ADGRL3: variants seen among roughly 807,000 people sequenced by gnomAD.
ADGRL3 encodes adhesion G protein-coupled receptor L3, also known as calcium-independent alpha-latrotoxin receptor 3.
A neutral mutation model predicts 153.5 loss-of-function variants in ADGRL3; 62 were observed. That is an observed-to-expected ratio of 0.40 (90% confidence interval 0.33 to 0.50). The LOEUF is 0.50. Ranked by LOEUF, ADGRL3 falls within the 20% of genes least tolerant of loss-of-function variation. The pLI is 0.47. For synonymous variants in ADGRL3, 710 were observed against 672.5 expected (o/e 1.06, Z -0.86); for missense variants, 1,641 against 1,859.4 (o/e 0.88, Z 2.16).
At chr4:61,797,131 G>A (rs1052995256) in intron 8 of ADGRL3, among the ~76,000 whole-genome samples, 1 of 152,092 alleles carries the variant, frequency 6.6e-6, no homozygotes, top group Non-Finnish European at 1.5e-5. Flanking sequence ...GCCAAATCAA[G>A]TGAAATTAGA....
chr4:62,019,492 T>C (rs867328589), intron 21 of ADGRL3, among the ~76,000 whole-genome samples: 1 of 152,214 alleles, frequency 6.6e-6, no homozygotes, highest in South Asian at 2.1e-4. Flanking sequence ...TGTAGCTTTT[T>C]ATGTATTTAT....
chr4:61,206,898 G>T (rs541008790), intron 1 of ADGRL3, among the ~76,000 whole-genome samples: 3 of 151,834 alleles, frequency 2.0e-5, no homozygotes, highest in Admixed American at 2.0e-4. Context: ...CAGGAGAATC[G>T]CTGGAACCCA....
chr4:61,853,103 C>T (rs2098226372), intron 9 of ADGRL3, among the ~76,000 whole-genome samples: 1 of 151,714 alleles, frequency 6.6e-6, no homozygotes, highest in Admixed American at 6.6e-5. Context: ...CTGCAACCAC[C>T]CGCTCCTCTC....
At chr4:61,275,647 C>T (rs998857187) in intron 1 of ADGRL3, among the ~76,000 whole-genome samples, 3 of 152,132 alleles carry the variant, frequency 2.0e-5, no homozygotes, top group African/African-American at 7.2e-5. Flanking sequence ...ATGCATGTTT[C>T]AGTTTGGCAT....
intron 3 of ADGRL3, among the ~76,000 whole-genome samples, chr4:61,502,631 T>A (rs1164850268): frequency 1.3e-5 from 2 of 152,174 alleles, no homozygotes; most frequent in Non-Finnish European, 2.9e-5. Flanking sequence ...AATGATCAGA[T>A]GCATATTTGT....
intron 2 of ADGRL3, among the ~76,000 whole-genome samples, chr4:61,470,189 A>C (rs1313584748): frequency 6.6e-6 from 1 of 152,064 alleles, no homozygotes; most frequent in Non-Finnish European, 1.5e-5. Flanking sequence ...ACAATGGATA[A>C]AATTCCAAAA....
rs777669401 is a variant in ADGRL3 at position 61,948,129 on chromosome 4, T to C, written c.2658T>C (p.Cys886=). The part of the protein sequence containing the change: ...KQSEENFNPN[C]SFWSYSKRTM... ...CAGAGGAAAATTTCAACCCTAACTGTTCATTTTGGAGCTACTCCAAGCGTA... is the reference window on the plus strand; with the variant it reads ...CAGAGGAAAATTTCAACCCTAACTGCTCATTTTGGAGCTACTCCAAGCGTA... The change falls in exon 17 of 27, where the codon TGT becomes TGC. Residue 886 remains cysteine (C), a synonymous_variant. Transcript: ENST00000683033. 1 of 1,613,190 alleles carries C rather than the reference T, an allele frequency of 6.2e-7. No homozygotes were observed. The highest frequency in any genetic ancestry group is 2.2e-5 in the East Asian group (1 of 44,838).
chr4:62,004,813 AT>A lies in ADGRL3; in HGVS notation c.3395+6552del, dbSNP rs571326120. On this transcript the variant is annotated intron_variant, in intron 21 of 26. Transcript: ENST00000683033. ...ATTAGCTAGAAAAAATAATACATTT[AT>A]TTTATTCATTGTAATAAGATAGAAT... 1.9e-4 allele frequency among the ~76,000 whole-genome samples: 29 copies of A among 152,210 alleles called. No homozygotes were observed. The East Asian group carries it at 4.8e-3, about 25-fold the overall frequency.
intron 9 of ADGRL3, among the ~76,000 whole-genome samples, chr4:61,814,307 T>A (rs1221260012): frequency 6.6e-6 from 1 of 152,004 alleles, no homozygotes; most frequent in Non-Finnish European, 1.5e-5. Flanking sequence ...TATTTTATTA[T>A]TATTCTAAGT....
chr4:61,257,823 TAATTG>T (rs1286600634), intron 1 of ADGRL3, among the ~76,000 whole-genome samples: 1 of 150,032 alleles, frequency 6.7e-6, no homozygotes, highest in East Asian at 2.0e-4. Flanking sequence ...TTATTTCGCT[TAATTG>T]AATTAGAGGT....
intron 20 of ADGRL3, among the ~76,000 whole-genome samples, chr4:61,997,446 G>A (rs1168331136): frequency 1.3e-5 from 2 of 151,988 alleles, no homozygotes; most frequent in African/African-American, 2.4e-5. Context: ...TTGCGAACAT[G>A]TATTTTTGAG....
At chr4:61,483,812 A>T (rs1267422935) in intron 2 of ADGRL3, among the ~76,000 whole-genome samples, 1 of 151,308 alleles carries the variant, frequency 6.6e-6, no homozygotes, top group East Asian at 1.9e-4. Flanking sequence ...AGTCATAATT[A>T]AAAACTATAT....
At chr4:61,733,760 G>C (rs759169159) in intron 8 of ADGRL3, among the ~76,000 whole-genome samples, 4 of 152,114 alleles carry the variant, frequency 2.6e-5, no homozygotes, top group Non-Finnish European at 5.9e-5. Context: ...ACTCTCCTTT[G>C]TTCTGCTCAA....
chr4:61,876,143 C>G (rs2098473817), intron 9 of ADGRL3, among the ~76,000 whole-genome samples: 1 of 151,952 alleles, frequency 6.6e-6, no homozygotes, highest in South Asian at 2.1e-4. Context: ...TATGTTTGCA[C>G]TGCTTGCATA....
At chr4:61,747,556 T>C (rs1294379425) in intron 8 of ADGRL3, among the ~76,000 whole-genome samples, 6 of 145,444 alleles carry the variant, frequency 4.1e-5, no homozygotes, top group Admixed American at 1.4e-4. Context: ...GTTCAATATA[T>C]GCAAATCAAT....
chr4:61,370,046 G>A (rs1157784601), intron 1 of ADGRL3, among the ~76,000 whole-genome samples: 3 of 152,080 alleles, frequency 2.0e-5, no homozygotes, highest in African/African-American at 4.8e-5. Flanking sequence ...TCTGATGGTA[G>A]TTTGTATTTC....
intron 4 of ADGRL3, among the ~76,000 whole-genome samples, chr4:61,562,515 T>G (rs777271774): frequency 7.2e-5 from 11 of 152,200 alleles, no homozygotes; most frequent in Admixed American, 2.0e-4. Flanking sequence ...TGCAATGTTC[T>G]AAATCCTTCG....
intron 3 of ADGRL3, among the ~76,000 whole-genome samples, chr4:61,498,423 G>A (rs2098344920): frequency 6.6e-6 from 1 of 151,942 alleles, no homozygotes; most frequent in Admixed American, 6.6e-5. Context: ...GGTGGTGGAT[G>A]CCTGTAGTCC....
At chr4:61,899,640 C>T (rs537251081) in intron 11 of ADGRL3, among the ~76,000 whole-genome samples, 8 of 152,160 alleles carry the variant, frequency 5.3e-5, no homozygotes, top group Non-Finnish European at 8.8e-5. Context: ...ACTTGGACTG[C>T]TATGGTTTAT....
Sources: gnomAD v4.1 joint callset for allele counts (sites outside exome capture counted in the v4.1 genomes callset) on GRCh38, gnomAD v4.1.1 for gene constraint, MANE v1.5 for transcripts, NCBI Gene and HGNC (gene_info 2026-07-23, HGNC 2026-07-21) for gene names.